The following CYP7B1 variants were observed in gnomAD, a reference collection of about 807,000 sequenced individuals.
CYP7B1 encodes the protein cytochrome P450 7B1.
CYP7B1 carries 29 observed loss-of-function variants against 42.7 expected under a neutral mutation model. The observed-to-expected ratio is 0.68, with a 90% CI of 0.51 to 0.93. The LOEUF is 0.93. CYP7B1 is among the 40% of genes least tolerant of loss of function. The pLI, the probability that CYP7B1 is intolerant of heterozygous loss-of-function variation, is 0.00. For missense variants in CYP7B1, 655 were observed against 600.5 expected (o/e 1.09, Z -0.95); for synonymous variants, 235 against 218.2 (o/e 1.08, Z -0.68).
intron 1 of CYP7B1, among the ~76,000 whole-genome samples, chr8:64,686,090 C>T (rs539204575): frequency 7.6e-3 from 841 of 110,020 alleles, no homozygotes; most frequent in Non-Finnish European, 9.3e-3. Context: ...CCGCCCCGTC[C>T]GGGAGGGAGG....
intron 1 of CYP7B1, among the ~76,000 whole-genome samples, chr8:64,760,912 T>C (rs750008443): frequency 3.9e-5 from 6 of 152,186 alleles, no homozygotes; most frequent in Non-Finnish European, 1.5e-5. Flanking sequence ...GTGTTCATTG[T>C]AGCATTATTC....
intron 1 of CYP7B1, among the ~76,000 whole-genome samples, chr8:64,648,895 T>A (rs1256742920): frequency 6.6e-6 from 1 of 152,134 alleles, no homozygotes; most frequent in Non-Finnish European, 1.5e-5. Flanking sequence ...GGTCTAAAAA[T>A]AAAATATGAA....
chr8:64,760,401 C>A (rs1479470098), intron 1 of CYP7B1, among the ~76,000 whole-genome samples: 1 of 151,696 alleles, frequency 6.6e-6, no homozygotes, highest in African/African-American at 2.4e-5. Flanking sequence ...AACAAAGGAA[C>A]CATAATAAAA....
chr8:64,733,848 C>T (rs142871980), intron 1 of CYP7B1, among the ~76,000 whole-genome samples: 1 of 152,070 alleles, frequency 6.6e-6, no homozygotes, highest in East Asian at 1.9e-4. Flanking sequence ...TACATGCCTA[C>T]AGTCCCAGCT....
At chr8:64,741,718 G>A (rs994404963) in intron 1 of CYP7B1, among the ~76,000 whole-genome samples, 10 of 152,138 alleles carry the variant, frequency 6.6e-5, no homozygotes, top group African/African-American at 2.4e-4. Flanking sequence ...CAGTAAAATT[G>A]GAGTTTGAAT....
chr8:64,768,232 G>A (rs1804141758), intron 1 of CYP7B1, among the ~76,000 whole-genome samples: 1 of 152,140 alleles, frequency 6.6e-6, no homozygotes, highest in Admixed American at 6.5e-5. Context: ...TATATCACCT[G>A]AGAGCACAGG....
chr8:64,726,314 C>T (rs1807323818), intron 1 of CYP7B1, among the ~76,000 whole-genome samples: 1 of 152,190 alleles, frequency 6.6e-6, no homozygotes, highest in South Asian at 2.1e-4. Flanking sequence ...ATTGCAGAGA[C>T]TGATGATGTA....
chr8:64,757,588 C>T (rs1807826436), intron 1 of CYP7B1, among the ~76,000 whole-genome samples: 1 of 152,216 alleles, frequency 6.6e-6, no homozygotes, highest in African/African-American at 2.4e-5. Context: ...TGTGGCACCA[C>T]TTCAAGATCA....
chr8:64,766,509 A>G (rs1807975223), intron 1 of CYP7B1, among the ~76,000 whole-genome samples: 1 of 151,770 alleles, frequency 6.6e-6, no homozygotes. Context: ...AACGGGACAA[A>G]CGGGATTAAA....
rs71260892 is a variant in CYP7B1 at position 64,624,951 on chromosome 8, C to CTTTTTTTTTTTTT, written c.123-425_123-413dup. On this transcript the variant is annotated intron_variant, in intron 1 of 5. Coordinates refer to ENST00000310193, the MANE Select transcript of CYP7B1 (RefSeq NM_004820.5). Reference sequence around the variant, plus strand: ...AGTCCCCAAAGTCCATTATATCATTCTTTTTTTTTTTTTTTTTTTTTTTTT... The same window carrying CTTTTTTTTTTTTT: ...AGTCCCCAAAGTCCATTATATCATTCTTTTTTTTTTTTTTTTTTTTTTTTTTTTTTTTTTTTTT... 7.8e-4 allele frequency among the ~76,000 whole-genome samples: 42 copies of CTTTTTTTTTTTTT among 54,062 alleles called. 12 individuals are homozygous for CTTTTTTTTTTTTT. The highest frequency in any genetic ancestry group is 2.9e-3 in the African/African-American group (28 of 9,662). 35.5% of individuals were successfully genotyped at this position (54,062 alleles called of 152,430 possible).
At chr8:64,665,559 G>GTTTTTTTTTTTTTTTTTTT (rs540578806) in intron 1 of CYP7B1, among the ~76,000 whole-genome samples, 2 of 52,024 alleles carry the variant, frequency 3.8e-5, no homozygotes, top group African/African-American at 8.5e-5. Flanking sequence ...TTTTTTGGTG[G>GTTTTTTTTTTTTTTTTTTT]TTTTTTTTTT....
chr8:64,626,048 C>A (rs2129630475), intron 1 of CYP7B1, among the ~76,000 whole-genome samples: 1 of 152,218 alleles, frequency 6.6e-6, no homozygotes, highest in East Asian at 1.9e-4. Context: ...ATTGATTTAT[C>A]ACCGAGTTTA....
chr8:64,735,308 G>C (rs1032278014), intron 1 of CYP7B1, among the ~76,000 whole-genome samples: 3 of 152,166 alleles, frequency 2.0e-5, no homozygotes, highest in Admixed American at 2.0e-4. Flanking sequence ...AGACACAGGA[G>C]AGGGTCAAAA....
At chr8:64,678,648 C>G (rs1405064267) in intron 1 of CYP7B1, among the ~76,000 whole-genome samples, 1 of 152,138 alleles carries the variant, frequency 6.6e-6, no homozygotes, top group Non-Finnish European at 1.5e-5. Flanking sequence ...TCCTTGCCTG[C>G]TGGTCACATA....
chr8:64,648,287 G>A (rs1443382785), intron 1 of CYP7B1, among the ~76,000 whole-genome samples: 1 of 151,644 alleles, frequency 6.6e-6, no homozygotes. Context: ...GTCATAATTC[G>A]CCATTGAATT....
At chr8:64,694,718 C>T (rs1044176310) in intron 1 of CYP7B1, among the ~76,000 whole-genome samples, 5 of 151,952 alleles carry the variant, frequency 3.3e-5, no homozygotes, top group African/African-American at 1.2e-4. Context: ...AAGTATTGAT[C>T]CAAAAAAATT....
intron 3 of CYP7B1, among the ~76,000 whole-genome samples, 171 bp from the exon 4 acceptor site, chr8:64,615,403 A>C (rs1436404950): frequency 3.7e-5 from 5 of 135,848 alleles, no homozygotes; most frequent in Non-Finnish European, 7.8e-5. Context: ...GAATAGTTTA[A>C]AATGTAATGT....
chr8:64,693,323 G>A (rs58451406), intron 1 of CYP7B1, among the ~76,000 whole-genome samples: 12,397 of 152,144 alleles, frequency 0.081, 759 homozygotes, highest in African/African-American at 0.16. Flanking sequence ...GTGTGTGCGG[G>A]TATGTATATG....
intron 1 of CYP7B1, among the ~76,000 whole-genome samples, chr8:64,642,263 T>A (rs989525562): frequency 7.7e-5 from 10 of 130,022 alleles, no homozygotes; most frequent in African/African-American, 3.9e-4. Flanking sequence ...CTATTTTAAA[T>A]TTTTTTTTTT....
Sources: allele counts gnomAD v4.1 joint callset (sites outside exome capture counted in the v4.1 genomes callset), GRCh38; gene constraint gnomAD v4.1.1; transcripts MANE v1.5; gene names NCBI Gene and HGNC (gene_info 2026-07-23, HGNC 2026-07-21).